HCN4: variants seen among roughly 807,000 people sequenced by gnomAD.
HCN4 encodes the protein hyperpolarization activated cyclic nucleotide gated potassium channel 4, also known as potassium/sodium hyperpolarization-activated cyclic nucleotide-gated channel 4.
HCN4 carries 29 observed loss-of-function variants against 76.9 expected under a neutral mutation model. The ratio of observed to expected loss-of-function variants is 0.38; its 90% CI spans 0.28 to 0.51. The LOEUF (loss-of-function observed/expected upper bound fraction) is 0.51. HCN4 is among the 20% of genes least tolerant of loss of function. The probability of loss-of-function intolerance (pLI) is 0.90; values close to 1 mark genes in which losing one functional copy is unlikely to be tolerated. For missense variants in HCN4, 1,416 were observed against 1,715.2 expected (o/e 0.83, Z 3.08); for synonymous variants, 772 against 762.5 (o/e 1.01, Z -0.21).
rs774674047 is a variant in HCN4, at chr15:73,322,592, CAAAG to C, written c.3497_3500del (p.Ser1166CysfsTer14). On this transcript the variant is annotated frameshift_variant, in exon 8 of 8. Transcript: ENST00000261917. LOFTEE classifies it high-confidence loss of function. ...CAGAAGAGGTGGCTCTTGCCCCAAACAAAGACAGAGGGGGTGGCAAAGAACCTGA... is the reference window on the plus strand; with the variant it reads ...CAGAAGAGGTGGCTCTTGCCCCAAACACAGAGGGGGTGGCAAAGAACCTGA... 24 of 1,610,810 alleles carry C rather than the reference CAAAG, an allele frequency of 1.5e-5. No individual in the cohort carries two copies. The highest frequency in any genetic ancestry group is 3.4e-5 in the Admixed American group (2 of 59,678).
intron 1 of HCN4, among the ~76,000 whole-genome samples, chr15:73,355,899 G>GA (rs1432291981): frequency 2.6e-5 from 4 of 152,180 alleles, no homozygotes; most frequent in African/African-American, 9.6e-5. Flanking sequence ...GACCACTGGG[G>GA]AAGATGGGGG....
intron 1 of HCN4, among the ~76,000 whole-genome samples, chr15:73,355,893 A>G (rs1420024383): frequency 1.3e-5 from 2 of 152,108 alleles, no homozygotes. Context: ...GGACAAGACC[A>G]CTGGGGAAGA....
rs1183441222 is a variant in HCN4, at chr15:73,320,868, G to C, written c.*1613C>G. 1 of 152,218 alleles carries C rather than the reference G, an allele frequency of 6.6e-6. No individual in the cohort carries two copies. Among genetic ancestry groups the C allele is most frequent in the Non-Finnish European group, 1.5e-5 (1 of 68,148 alleles). 9.4% of individuals were successfully genotyped at this position (152,218 alleles called of 1,614,324 possible). On this transcript the variant is annotated 3_prime_UTR_variant, in exon 8 of 8. Transcript: ENST00000261917. Reference sequence around the variant, plus strand: ...CAAGGCCTGGCTCCCACCCACCTCTGGCCACACACCTTCCTTGGGCCCTTA... The same window carrying C: ...CAAGGCCTGGCTCCCACCCACCTCTCGCCACACACCTTCCTTGGGCCCTTA...
intron 2 of HCN4, among the ~76,000 whole-genome samples, chr15:73,340,408 T>C (rs1290664405): frequency 6.6e-6 from 1 of 152,176 alleles, no homozygotes; most frequent in Non-Finnish European, 1.5e-5. Context: ...AGTCTAGCTG[T>C]GGGTCCAAGA....
chr15:73,352,642 G>A (rs1007146102), intron 1 of HCN4, among the ~76,000 whole-genome samples: 4 of 152,286 alleles, frequency 2.6e-5, no homozygotes, highest in Admixed American at 1.3e-4. Flanking sequence ...CTGTGCAGGC[G>A]GTGGGAGCAG....
chr15:73,322,910 T>TG lies in HCN4; in HGVS notation c.3182dup (p.Pro1062ThrfsTer132). The stretch of plus-strand genomic sequence containing the variant: ...CCCGGCGCTGGGGGACCTGGGGTGG[T>TG]GGGGGGCTGGATGCAGGTGGCAGGA... On this transcript the variant is annotated frameshift_variant, in exon 8 of 8. Transcript: ENST00000261917. LOFTEE classifies it high-confidence loss of function. 8.3e-7 allele frequency: 1 copy of TG among 1,211,534 alleles called. No individual in the cohort carries two copies. Among genetic ancestry groups the TG allele is most frequent in the Non-Finnish European group, 1.1e-6 (1 of 936,518 alleles). 75.0% of individuals were successfully genotyped at this position (1,211,534 alleles called of 1,614,324 possible).
At chr15:73,337,516 G>A (rs1368824728) in intron 2 of HCN4, among the ~76,000 whole-genome samples, 6 of 152,218 alleles carry the variant, frequency 3.9e-5, no homozygotes, top group East Asian at 1.9e-4. Context: ...ACAGAGCATC[G>A]AAGGTGGCAT....
At chr15:73,330,477 C>T (rs756598902) in intron 3 of HCN4, among the ~76,000 whole-genome samples, 2 of 152,174 alleles carry the variant, frequency 1.3e-5, no homozygotes, top group Admixed American at 6.5e-5. Flanking sequence ...GAAGGCTCAG[C>T]GTGGGAACAC....
At position 73,337,881 on chromosome 15, in the gene HCN4, A is replaced by G. The variant is rs566906202; in HGVS notation, c.1209+5504T>C. Among the ~76,000 whole-genome samples the G allele has an allele frequency of 1.4e-4, 21 of 152,260 alleles. No homozygotes were observed. The East Asian group carries it at 4.1e-3, about 29-fold the overall frequency. On this transcript the variant is annotated intron_variant, in intron 2 of 7. Coordinates refer to ENST00000261917, the MANE Select transcript of HCN4 (RefSeq NM_005477.3). Reference sequence around the variant, plus strand: ...GGACACAGACTTCCGTGTCCTACTGAGAGCATGGTGGTGGTGAAGCCTGGA... The same window carrying G: ...GGACACAGACTTCCGTGTCCTACTGGGAGCATGGTGGTGGTGAAGCCTGGA...
intron 1 of HCN4, among the ~76,000 whole-genome samples, chr15:73,364,900 T>C (rs2043121850): frequency 6.6e-6 from 1 of 152,160 alleles, no homozygotes; most frequent in African/African-American, 2.4e-5. Flanking sequence ...AGCCCTGAAC[T>C]CCAAACCGCA....
chr15:73,338,910 C>T (rs1002852937), intron 2 of HCN4, among the ~76,000 whole-genome samples: 1 of 152,212 alleles, frequency 6.6e-6, no homozygotes, highest in African/African-American at 2.4e-5. Flanking sequence ...CCAGTACCCA[C>T]GCCCCAGGAC....
At chr15:73,365,903 C>T (rs2043126248) in intron 1 of HCN4, among the ~76,000 whole-genome samples, 1 of 152,182 alleles carries the variant, frequency 6.6e-6, no homozygotes, top group South Asian at 2.1e-4. Flanking sequence ...GGAGGAAAAA[C>T]CCAGGACACC....
At chr15:73,337,073 G>A (rs2042970838) in intron 2 of HCN4, among the ~76,000 whole-genome samples, 1 of 152,144 alleles carries the variant, frequency 6.6e-6, no homozygotes, top group Admixed American at 6.5e-5. Context: ...TCTTCCATCT[G>A]CCTGCGTGCT....
At position 73,321,658 on chromosome 15, in the gene HCN4, G is replaced by A. The variant is rs942097831; in HGVS notation, c.*823C>T. ...CTTCCGTGTGGTGAGAGGTCAGGCT[G>A]GGACTGGCTTTGAGACCAGAGATGG... On this transcript the variant is annotated 3_prime_UTR_variant, in exon 8 of 8. Transcript: ENST00000261917. The A allele has an allele frequency of 1.3e-5, 2 of 152,878 alleles. No homozygotes were observed. The highest frequency in any genetic ancestry group is 2.4e-5 in the African/African-American group (1 of 41,442). 9.5% of individuals were successfully genotyped at this position (152,878 alleles called of 1,614,324 possible).
chr15:73,322,987 T>C lies in HCN4; in HGVS notation c.3106A>G (p.Arg1036Gly), dbSNP rs1477955790. 6.9e-7 allele frequency: 1 copy of C among 1,448,708 alleles called. No individual in the cohort carries two copies. The highest frequency in any genetic ancestry group is 9.1e-7 in the Non-Finnish European group (1 of 1,101,218). The allele number at this position is 1,448,708 out of a possible 1,614,324, so 89.7% of individuals were successfully genotyped here. A position where few individuals can be genotyped will look rare whatever the true frequency, so the allele number is the denominator to read the frequency against. The change falls in exon 8 of 8, where the codon AGA becomes GGA. Residue 1036 changes from arginine (R) to glycine (G), a missense_variant. Arg to Gly is a moderately radical substitution (Grantham distance 125). Around this residue, in one of 6 missense-constraint regions of HCN4, gnomAD observed 633 missense variants for 579.8 expected, o/e 1.09. Coordinates refer to ENST00000261917, the MANE Select transcript of HCN4 (RefSeq NM_005477.3). ...SPPGHSPGPP[R>G]TFPSAPPRAS... ...CGGGGCGGGGCACTCGGGAAGGTTC[T>C]TGGGGGGCCTGGGCTGTGGCCAGGG... is the stretch of plus-strand genomic sequence containing the variant.
At chr15:73,332,058 T>C in intron 3 of HCN4, 73 bp downstream of exon 3, 1 of 1,478,906 alleles carries the variant, frequency 6.8e-7, no homozygotes, top group Admixed American at 1.7e-5. Flanking sequence ...AAGTTCCAAG[T>C]CCACATCTCG....
chr15:73,326,791 TTA>T (rs1167935200), intron 4 of HCN4, among the ~76,000 whole-genome samples: 4 of 149,820 alleles, frequency 2.7e-5, no homozygotes, highest in Non-Finnish European at 3.0e-5. Context: ...ATTTATTTAT[TTA>T]TTTTTTTTGT....
At chr15:73,348,079 G>T (rs1311126758) in intron 1 of HCN4, among the ~76,000 whole-genome samples, 1 of 152,244 alleles carries the variant, frequency 6.6e-6, no homozygotes, top group African/African-American at 2.4e-5. Context: ...AAGCCAAGCA[G>T]CCCATTACAC....
intron 1 of HCN4, among the ~76,000 whole-genome samples, chr15:73,346,449 G>C (rs2043030271): frequency 6.6e-6 from 1 of 152,182 alleles, no homozygotes; most frequent in South Asian, 2.1e-4. Context: ...TTGCAGGAAA[G>C]AGGTAAGAGG....
Sources: gnomAD v4.1 joint callset for allele counts (sites outside exome capture counted in the v4.1 genomes callset) on GRCh38, gnomAD v4.1.1 for gene constraint, gnomAD v4.1.1 regional missense constraint, MANE v1.5 for transcripts, NCBI Gene and HGNC (gene_info 2026-07-23, HGNC 2026-07-21) for gene names.